Variants in PACS2 observed in about 807,000 individuals in gnomAD.
PACS2 encodes the protein phosphofurin acidic cluster sorting protein 2.
In PACS2, 36 loss-of-function variants were observed where a neutral mutation model predicts 113.0. That is an observed-to-expected ratio of 0.32 (90% CI 0.24 to 0.42). PACS2 has a LOEUF of 0.42. Ranked by LOEUF, PACS2 falls within the 10% of genes least tolerant of loss-of-function variation. The pLI is 1.00. For synonymous variants in PACS2, 589 were observed against 536.1 expected (o/e 1.10, Z -1.36); for missense variants, 1,015 against 1,239.5 (o/e 0.82, Z 2.72).
chr14:105,371,982 A>G (rs1351255107), intron 8 of PACS2: 3 of 152,210 alleles, frequency 2.0e-5, no homozygotes, highest in Non-Finnish European at 4.4e-5. Context: ...TTCAGCGGGC[A>G]GAGCTCTCGG....
At chr14:105,337,588 T>C (rs587724521) in intron 1 of PACS2, among the ~76,000 whole-genome samples, 1 of 152,368 alleles carries the variant, frequency 6.6e-6, no homozygotes, top group Admixed American at 6.5e-5. Context: ...GGGTTGGGGC[T>C]GGCTGAGCCC....
chr14:105,380,027 C>A, intron 10 of PACS2, 53 bp from the exon 11 acceptor site: 3 of 1,496,796 alleles, frequency 2.0e-6, no homozygotes, highest in East Asian at 4.9e-5. Flanking sequence ...CAGAAGTCAG[C>A]GCCTTGGCAC....
At position 105,348,456 on chromosome 14, in the gene PACS2, G is replaced by A. The variant is rs782775733; in HGVS notation, c.120-37G>A. 9.9e-6 allele frequency: 15 copies of A among 1,516,166 alleles called. No homozygotes were observed. In the East Asian group the frequency reaches 3.2e-4, roughly 32 times the overall value. The allele number at this position is 1,516,166 out of a possible 1,614,324, so 93.9% of individuals were successfully genotyped here. A position where few individuals can be genotyped will look rare whatever the true frequency, so the allele number is the denominator to read the frequency against. ...CACAGGGCCGCGTCCTGAGGAGAGG[G>A]CGGAGCCCCGAGGCTGAGCTGTGCC... On this transcript the variant is annotated intron_variant, in intron 1 of 24. Coordinates refer to ENST00000447393, the MANE Select transcript of PACS2 (RefSeq NM_001100913.3). The surrounding 1 kb of genome is among the most constrained non-coding windows in gnomAD (Gnocchi z 6.4).
In PACS2 at chr14:105,394,366, G is replaced by A. The variant is rs370025096; in HGVS notation, c.2597-188G>A. The A allele has an allele frequency of 1.5e-5, 15 of 985,070 alleles. No individual in the cohort carries two copies. In the African/African-American group the frequency reaches 1.6e-4, roughly 10 times the overall value. The allele number at this position is 985,070 out of a possible 1,614,324, so 61.0% of individuals were successfully genotyped here. ...TGTGGAGGGCAGGGGCAGGAATGGC[G>A]TCCCTCAGGAGCCAGCATGGCCCTG... On this transcript the variant is annotated intron_variant, in intron 24 of 24. Coordinates refer to ENST00000447393, the MANE Select transcript of PACS2 (RefSeq NM_001100913.3).
intron 4 of PACS2, among the ~76,000 whole-genome samples, chr14:105,359,400 C>A (rs587748207): frequency 1.9e-4 from 29 of 151,972 alleles, no homozygotes; most frequent in African/African-American, 7.0e-4. Context: ...CTCCACCTCC[C>A]GGGTTCAAGT....
chr14:105,308,851 G>C (rs1389095222), intron 1 of PACS2, among the ~76,000 whole-genome samples: 1 of 151,850 alleles, frequency 6.6e-6, no homozygotes, highest in Non-Finnish European at 1.5e-5. Flanking sequence ...GTTCACACTT[G>C]TAATCCCAGC....
chr14:105,353,940 G>A (rs1012116842), intron 3 of PACS2, among the ~76,000 whole-genome samples: 5 of 151,890 alleles, frequency 3.3e-5, no homozygotes, highest in South Asian at 2.1e-4. Flanking sequence ...GGCCGGGTGT[G>A]GTGGCTCATG....
At chr14:105,308,525 CG>C (rs1206005762) in intron 1 of PACS2, among the ~76,000 whole-genome samples, 29 of 147,842 alleles carry the variant, frequency 2.0e-4, no homozygotes, top group Admixed American at 1.8e-3. Context: ...CTCTGTCGTC[CG>C]GGCTGGAGTG....
In PACS2 at chr14:105,366,209, G is replaced by A. The variant is rs782173796; in HGVS notation, c.424-1004G>A. On this transcript the variant is annotated intron_variant, in intron 4 of 24. Transcript: ENST00000447393. This position sits in a 1 kb window ranked among gnomAD's most constrained non-coding sequence, Gnocchi z 4.3. ...CTAAAAATACAAAACTTAGCTGGGC[G>A]TGCTGGCAGATGCCTGTAATCCCAG... Among the ~76,000 whole-genome samples the A allele has an allele frequency of 3.9e-5, 6 of 152,288 alleles. No individual in the cohort carries two copies. The highest frequency in any genetic ancestry group is 8.8e-5 in the Non-Finnish European group (6 of 68,024).
At chr14:105,325,169 C>T (rs1218510911) in intron 1 of PACS2, among the ~76,000 whole-genome samples, 4 of 41,934 alleles carry the variant, frequency 9.5e-5, no homozygotes, top group East Asian at 8.7e-4. Flanking sequence ...GGTGGTGGGA[C>T]GGGGGGGGGC....
chr14:105,384,769 C>T (rs868967046), intron 17 of PACS2, 110 bp from the exon 18 acceptor site: 57 of 726,322 alleles, frequency 7.8e-5, no homozygotes, highest in Middle Eastern at 3.0e-4. Context: ...AGCCCTGCCG[C>T]GCTTCGGGGT....
At chr14:105,332,445 T>A (rs587670490) in intron 1 of PACS2, among the ~76,000 whole-genome samples, 2 of 152,244 alleles carry the variant, frequency 1.3e-5, no homozygotes, top group African/African-American at 4.8e-5. Flanking sequence ...AGGGTGTGCC[T>A]GTGTGGCCGA....
chr14:105,360,705 AG>A (rs1555406280), intron 4 of PACS2, among the ~76,000 whole-genome samples: 8 of 152,170 alleles, frequency 5.3e-5, no homozygotes, highest in African/African-American at 1.9e-4. Flanking sequence ...AAATAAAACA[AG>A]AAAGAAGTTT....
Position 105,361,047 on chromosome 14 carries a change from T to C in PACS2, c.423+5870T>C, listed in dbSNP as rs2060659028. ...GCTTCTAATCCCAGTCCTCTTGCTA[T>C]TTCCACCACATGTGCACTTCCTTCC... On this transcript the variant is annotated intron_variant, in intron 4 of 24. Coordinates refer to ENST00000447393, the MANE Select transcript of PACS2 (RefSeq NM_001100913.3). 2.6e-5 allele frequency among the ~76,000 whole-genome samples: 4 copies of C among 152,376 alleles called. No homozygotes were observed. The South Asian group carries it at 8.3e-4, about 32-fold the overall frequency.
chr14:105,394,505 T>G (rs1595200962), intron 24 of PACS2, 49 bp from the exon 25 acceptor site: 1 of 1,603,042 alleles, frequency 6.2e-7, no homozygotes, highest in East Asian at 2.2e-5. Context: ...GTGGATAGGG[T>G]GGGCAGGCCG....
chr14:105,349,116 G>A (rs985443455), intron 2 of PACS2, among the ~76,000 whole-genome samples: 4 of 151,444 alleles, frequency 2.6e-5, no homozygotes, highest in African/African-American at 4.9e-5. Flanking sequence ...CCTGGCCCAG[G>A]CCCCGCCCCC....
At chr14:105,311,910 G>A (rs1219880793), upstream of PACS2, among the ~76,000 whole-genome samples, 1 of 152,208 alleles carries the variant, frequency 6.6e-6, no homozygotes, top group Non-Finnish European at 1.5e-5. Flanking sequence ...CTAGGGGTTC[G>A]GCAGTTCTGT....
rs111689893 is a variant in PACS2 at position 105,394,456 on chromosome 14, C to T, written c.2597-98C>T. The T allele has an allele frequency of 2.1e-4, 335 of 1,568,680 alleles. 6 individuals carry two copies. In the East Asian group the frequency reaches 3.3e-3, roughly 15 times the overall value. ...GCATGGGGCTCCTTCTCATCCTGTACGCCCGGCTGCCACCCAGCCTGGTGG... is the reference window on the plus strand; with the variant it reads ...GCATGGGGCTCCTTCTCATCCTGTATGCCCGGCTGCCACCCAGCCTGGTGG... On this transcript the variant is annotated intron_variant, in intron 24 of 24. Transcript: ENST00000447393.
intron 4 of PACS2, among the ~76,000 whole-genome samples, chr14:105,360,851 C>T (rs1055787177): frequency 2.6e-5 from 4 of 152,196 alleles, no homozygotes; most frequent in African/African-American, 4.8e-5. Context: ...CTAACCGAGA[C>T]GGTGGACTCT....
Sources: allele counts gnomAD v4.1 joint callset (sites outside exome capture counted in the v4.1 genomes callset), GRCh38; gene constraint gnomAD v4.1.1; non-coding constraint Gnocchi (gnomAD v3.1); transcripts MANE v1.5; gene names NCBI Gene and HGNC (gene_info 2026-07-23, HGNC 2026-07-21).